The following DCAF6 variants were observed in gnomAD, a reference collection of about 807,000 sequenced individuals.
DCAF6 encodes DDB1 and CUL4 associated factor 6, also known as DDB1- and CUL4-associated factor 6.
A neutral mutation model predicts 125.1 loss-of-function variants in DCAF6; 54 were observed. The observed-to-expected ratio is 0.43, with a 90% CI of 0.35 to 0.54. DCAF6 has a LOEUF of 0.54. DCAF6 is among the 20% of genes least tolerant of loss of function. The probability of loss-of-function intolerance (pLI) is 0.01; values close to 1 mark genes in which losing one functional copy is unlikely to be tolerated. For missense variants in DCAF6, 934 were observed against 1,161.7 expected (o/e 0.80, Z 2.85); for synonymous variants, 371 against 390.4 (o/e 0.95, Z 0.58).
At chr1:167,940,382 C>T (rs203789) in intron 1 of DCAF6, among the ~76,000 whole-genome samples, 142 of 151,904 alleles carry the variant, frequency 9.3e-4, no homozygotes, top group African/African-American at 3.2e-3. Context: ...TGGTGGGAGG[C>T]GGGGGGCAGG....
intron 10 of DCAF6, among the ~76,000 whole-genome samples, chr1:168,011,156 C>T (rs1684229675): frequency 8.0e-6 from 1 of 125,326 alleles, no homozygotes; most frequent in Non-Finnish European, 1.6e-5. Flanking sequence ...CTTGCTCTGT[C>T]ACCAGGCTGG....
At chr1:167,891,527 G>C in the DCAF6 span, among the ~76,000 whole-genome samples, 1 of 151,598 alleles carries the variant, frequency 6.6e-6, no homozygotes, top group Non-Finnish European at 1.5e-5. Context: ...GTGGTGGCGG[G>C]CGCCTGTAGT....
At chr1:167,963,061 A>G (rs1675863064) in intron 2 of DCAF6, among the ~76,000 whole-genome samples, 1 of 152,118 alleles carries the variant, frequency 6.6e-6, no homozygotes. Context: ...GGAGTTCGAG[A>G]CCAGCCTGGG....
intron 10 of DCAF6, among the ~76,000 whole-genome samples, chr1:168,009,341 T>TCCTCCCTTCCTTCCTTCCTTCCTTCCTC (rs1683855625): frequency 1.4e-5 from 2 of 138,436 alleles, no homozygotes; most frequent in Non-Finnish European, 3.1e-5. Flanking sequence ...TTTCCTTCCT[T>TCCTCCCTTCCTTCCTTCCTTCCTTCCTC]CCTCCCTTCC....
chr1:167,979,857 A>G (rs1678843614), intron 4 of DCAF6, among the ~76,000 whole-genome samples: 1 of 151,932 alleles, frequency 6.6e-6, no homozygotes, highest in Non-Finnish European at 1.5e-5. Flanking sequence ...ACTGCACTCC[A>G]GCGTGGGTGA....
chr1:168,043,591 A>G (rs1040508422), intron 14 of DCAF6, among the ~76,000 whole-genome samples: 2 of 152,180 alleles, frequency 1.3e-5, no homozygotes, highest in Non-Finnish European at 2.9e-5. Flanking sequence ...TTCTAATAGA[A>G]TATTTTTATA....
At position 167,943,952 on chromosome 1, in the gene DCAF6, C is replaced by T. The variant is rs370570817; in HGVS notation, c.97+6944C>T. Reference sequence around the variant, plus strand: ...CTCCGAGGTTCACGCCATTCTCCTGCCTCAGCCTCCCAAGTAGTTGGGACT... The same window carrying T: ...CTCCGAGGTTCACGCCATTCTCCTGTCTCAGCCTCCCAAGTAGTTGGGACT... On this transcript the variant is annotated intron_variant, in intron 1 of 21. Transcript: ENST00000367840. 7.8e-4 allele frequency among the ~76,000 whole-genome samples: 119 copies of T among 152,232 alleles called. 1 individual carries two copies. In the South Asian group the frequency reaches 0.023, roughly 29 times the overall value.
At chr1:167,955,263 A>AT (rs1374354679) in intron 2 of DCAF6, among the ~76,000 whole-genome samples, 1 of 152,188 alleles carries the variant, frequency 6.6e-6, no homozygotes, top group African/African-American at 2.4e-5. Context: ...GTATGAACAT[A>AT]TGCTTTTATT....
chr1:167,975,869 A>G (rs1678071913), intron 4 of DCAF6, among the ~76,000 whole-genome samples: 2 of 152,160 alleles, frequency 1.3e-5, no homozygotes. Context: ...TGTTCTTCTG[A>G]AATACTTGCA....
At position 167,991,526 on chromosome 1, in the gene DCAF6, GT is replaced by G. The variant is rs1415790540; in HGVS notation, c.688+190del. 2.6e-5 allele frequency among the ~76,000 whole-genome samples: 4 copies of G among 152,164 alleles called. No individual in the cohort carries two copies. The East Asian group carries it at 7.7e-4, about 29-fold the overall frequency. On this transcript the variant is annotated intron_variant, in intron 6 of 21. Coordinates refer to ENST00000367840, the MANE Select transcript of DCAF6 (RefSeq NM_001198956.2). ...GACCCTTTGGGATGATACTTTTGCA[GT>G]TTAAAAAGTTGTAACATTTGATGTA...
chr1:168,034,635 A>G (rs1214363938), intron 12 of DCAF6, among the ~76,000 whole-genome samples: 2 of 152,196 alleles, frequency 1.3e-5, no homozygotes, highest in East Asian at 1.9e-4. Context: ...AAAGGAATGT[A>G]TATATCTTGG....
intron 17 of DCAF6, among the ~76,000 whole-genome samples, chr1:168,057,222 A>G (rs1019101304): frequency 4.6e-5 from 7 of 152,180 alleles, no homozygotes; most frequent in Non-Finnish European, 7.4e-5. Context: ...TGAAAATGGT[A>G]TGCAAATTAA....
chr1:167,868,192 T>C, the DCAF6 span, among the ~76,000 whole-genome samples: 1 of 152,192 alleles, frequency 6.6e-6, no homozygotes, highest in Admixed American at 6.5e-5. Context: ...TAGCCGAGCA[T>C]GTAGCCCAGT....
intron 1 of DCAF6, among the ~76,000 whole-genome samples, chr1:167,949,556 G>A (rs1010566138): frequency 6.6e-6 from 1 of 152,152 alleles, no homozygotes; most frequent in African/African-American, 2.4e-5. Context: ...TACATGCACA[G>A]CATCTATCCA....
intron 7 of DCAF6, among the ~76,000 whole-genome samples, chr1:167,994,388 T>C (rs1320093147): frequency 6.6e-6 from 1 of 152,248 alleles, no homozygotes; most frequent in East Asian, 1.9e-4. Context: ...AATGTGTATG[T>C]CCATGGATCA....
intron 12 of DCAF6, chr1:168,023,593 G>A (rs1685941706): frequency 6.3e-6 from 1 of 158,334 alleles, no homozygotes; most frequent in Non-Finnish European, 1.4e-5. Flanking sequence ...ACTTTTCAAT[G>A]TGGGAAAGGT....
intron 12 of DCAF6, among the ~76,000 whole-genome samples, chr1:168,036,345 T>C (rs1238663145): frequency 6.6e-6 from 1 of 152,224 alleles, no homozygotes; most frequent in East Asian, 1.9e-4. Context: ...GTCTTAACTA[T>C]AACCAAGGTG....
the DCAF6 span, chr1:167,902,003 T>C: frequency 1.9e-6 from 3 of 1,613,414 alleles, no homozygotes; most frequent in Non-Finnish European, 2.5e-6. Context: ...TCTATCTTAG[T>C]AAGCCCCCAT....
chr1:167,926,951 C>G, the DCAF6 span, among the ~76,000 whole-genome samples: 1 of 152,172 alleles, frequency 6.6e-6, no homozygotes, highest in South Asian at 2.1e-4. Context: ...CTCTTAACTA[C>G]CAAAGCAGCC....
Sources: gnomAD v4.1 joint callset for allele counts (sites outside exome capture counted in the v4.1 genomes callset) on GRCh38, gnomAD v4.1.1 for gene constraint, MANE v1.5 for transcripts, NCBI Gene and HGNC (gene_info 2026-07-23, HGNC 2026-07-21) for gene names.